MEI4: variants seen among roughly 807,000 people sequenced by gnomAD.
MEI4 encodes meiotic double-stranded break formation protein 4, also known as meiosis-specific protein MEI4.
In MEI4, 27 loss-of-function variants were observed where a neutral mutation model predicts 31.4. That is an observed-to-expected ratio of 0.86 (90% confidence interval 0.63 to 1.19). MEI4 has a LOEUF of 1.19. MEI4 is among the 50% of genes most tolerant of loss of function. The pLI, the probability that MEI4 is intolerant of heterozygous loss-of-function variation, is 0.00. For synonymous variants in MEI4, 122 were observed against 145.4 expected (o/e 0.84, Z 1.16); for missense variants, 329 against 398.9 (o/e 0.82, Z 1.49).
chr6:77,710,371 A>C lies in MEI4; in HGVS notation c.232+19468A>C, dbSNP rs1157495680. Among the ~76,000 whole-genome samples the C allele has an allele frequency of 2.6e-5, 4 of 152,016 alleles. No homozygotes were observed. In the East Asian group the frequency reaches 5.8e-4, roughly 22 times the overall value. ...ACCCCGTCTCTACTAAGAATACAAA[A>C]ATTAGCTGGGTGTGGTGGTGCGCAC... On this transcript the variant is annotated intron_variant, in intron 2 of 4. Transcript: ENST00000684080.
intron 1 of MEI4, among the ~76,000 whole-genome samples, chr6:77,675,340 G>A (rs534355471): frequency 8.4e-4 from 127 of 151,838 alleles, no homozygotes; most frequent in Non-Finnish European, 1.5e-3. Context: ...TTACTTTTTC[G>A]TGATGTCTTC....
chr6:77,899,864 G>A (rs191524337), intron 4 of MEI4, among the ~76,000 whole-genome samples: 16 of 151,810 alleles, frequency 1.1e-4, no homozygotes, highest in African/African-American at 2.9e-4. Flanking sequence ...GAATACTGCC[G>A]TAGTAAACAT....
At chr6:77,830,123 A>G (rs1770044037) in intron 4 of MEI4, among the ~76,000 whole-genome samples, 1 of 152,110 alleles carries the variant, frequency 6.6e-6, no homozygotes, top group Non-Finnish European at 1.5e-5. Context: ...GGAATAGGCC[A>G]TGGTAGATTG....
chr6:77,680,726 A>G (rs573956793), intron 1 of MEI4, among the ~76,000 whole-genome samples: 1 of 152,124 alleles, frequency 6.6e-6, no homozygotes, highest in African/African-American at 2.4e-5. Flanking sequence ...ATGCAAATCC[A>G]TGTAGACTAT....
intron 1 of MEI4, among the ~76,000 whole-genome samples, chr6:77,681,046 T>C (rs2127649123): frequency 6.6e-6 from 1 of 151,942 alleles, no homozygotes; most frequent in East Asian, 1.9e-4. Context: ...CATTTACCTT[T>C]TCCACAGGAC....
At chr6:77,859,040 A>C (rs754411884) in intron 4 of MEI4, among the ~76,000 whole-genome samples, 4 of 152,006 alleles carry the variant, frequency 2.6e-5, no homozygotes, top group Non-Finnish European at 5.9e-5. Context: ...ACCCTGCAAC[A>C]GGCCCTGATG....
chr6:77,858,356 A>G (rs1252052927), intron 4 of MEI4, among the ~76,000 whole-genome samples: 1 of 152,172 alleles, frequency 6.6e-6, no homozygotes, highest in East Asian at 1.9e-4. Context: ...ACTGATCAGA[A>G]CATTTTAAAT....
At chr6:77,804,037 T>C (rs940916845) in intron 3 of MEI4, among the ~76,000 whole-genome samples, 2 of 152,204 alleles carry the variant, frequency 1.3e-5, no homozygotes, top group Non-Finnish European at 2.9e-5. Flanking sequence ...AGGTTTCTGC[T>C]GCCTTTTGTT....
intron 3 of MEI4, among the ~76,000 whole-genome samples, chr6:77,816,172 G>C (rs1769685057): frequency 6.6e-6 from 1 of 151,992 alleles, no homozygotes; most frequent in East Asian, 1.9e-4. Context: ...CTTTTTGTGA[G>C]GTAATTGCCT....
rs569582308 is a variant in MEI4 at position 77,850,337 on chromosome 6, A to G, written c.900+21275A>G. Among the ~76,000 whole-genome samples the G allele has an allele frequency of 3.3e-5, 5 of 152,338 alleles. No homozygotes were observed. In the South Asian group the frequency reaches 1.0e-3, roughly 32 times the overall value. ...AGCCTGCATTGCCAAGACAATCCTA[A>G]GCCAAAAGAACAAAGCTGGAGGCAT... is the stretch of plus-strand genomic sequence containing the variant. On this transcript the variant is annotated intron_variant, in intron 4 of 4. Transcript: ENST00000684080.
At chr6:77,729,273 G>A (rs1216671002) in intron 2 of MEI4, among the ~76,000 whole-genome samples, 1 of 152,194 alleles carries the variant, frequency 6.6e-6, no homozygotes, top group Non-Finnish European at 1.5e-5. Context: ...CTCTAAGCAT[G>A]TGGGAGTTAA....
chr6:77,796,894 T>G (rs915388741), intron 3 of MEI4, among the ~76,000 whole-genome samples: 2 of 152,160 alleles, frequency 1.3e-5, no homozygotes, highest in Non-Finnish European at 2.9e-5. Context: ...ATCTTGAGAA[T>G]GAAGATCAAA....
chr6:77,705,156 T>C (rs1766304460), intron 2 of MEI4, among the ~76,000 whole-genome samples: 1 of 152,158 alleles, frequency 6.6e-6, no homozygotes. Context: ...ATTCTTGTTC[T>C]AGGAGAACTC....
At chr6:77,800,266 G>C (rs1186423605) in intron 3 of MEI4, among the ~76,000 whole-genome samples, 2 of 151,980 alleles carry the variant, frequency 1.3e-5, no homozygotes, top group Non-Finnish European at 2.9e-5. Flanking sequence ...AATTGTGAAT[G>C]GGAGTTCACT....
At chr6:77,865,047 C>G (rs1299447577) in intron 4 of MEI4, among the ~76,000 whole-genome samples, 1 of 152,028 alleles carries the variant, frequency 6.6e-6, no homozygotes, top group African/African-American at 2.4e-5. Flanking sequence ...AACAAAGACA[C>G]AACATACCAG....
At chr6:77,809,208 T>C (rs539802465) in intron 3 of MEI4, among the ~76,000 whole-genome samples, 1 of 152,314 alleles carries the variant, frequency 6.6e-6, no homozygotes, top group South Asian at 2.1e-4. Flanking sequence ...GAAAAATATG[T>C]AAAACAACTA....
intron 2 of MEI4, among the ~76,000 whole-genome samples, chr6:77,759,581 A>G (rs1200619139): frequency 1.3e-5 from 2 of 152,182 alleles, no homozygotes; most frequent in African/African-American, 4.8e-5. Context: ...ACCATAATCT[A>G]CCTTGTCACC....
At chr6:77,790,856 C>T (rs909677892) in intron 3 of MEI4, among the ~76,000 whole-genome samples, 2 of 152,182 alleles carry the variant, frequency 1.3e-5, no homozygotes, top group African/African-American at 4.8e-5. Flanking sequence ...ACAACCCCAT[C>T]AAAAAGTGGG....
At chr6:77,786,403 A>T (rs1411278202) in intron 3 of MEI4, among the ~76,000 whole-genome samples, 1 of 152,132 alleles carries the variant, frequency 6.6e-6, no homozygotes, top group African/African-American at 2.4e-5. Context: ...CTTTAAAGGA[A>T]TCTAAGTGGG....
Sources: gnomAD v4.1 joint callset for allele counts (sites outside exome capture counted in the v4.1 genomes callset) on GRCh38, gnomAD v4.1.1 for gene constraint, MANE v1.5 for transcripts, NCBI Gene and HGNC (gene_info 2026-07-23, HGNC 2026-07-21) for gene names.